Variants in TPRG1 observed in about 807,000 individuals in gnomAD.
The protein encoded by TPRG1 is tumor protein p63-regulated gene 1 protein.
Under a neutral mutation model 29.3 loss-of-function variants are expected in TPRG1, and 29 were observed. The observed-to-expected ratio is 0.99, with a 90% CI of 0.74 to 1.35. The LOEUF (loss-of-function observed/expected upper bound fraction) is 1.35. TPRG1 is among the 40% of genes most tolerant of loss of function. The pLI, the probability that TPRG1 is intolerant of heterozygous loss-of-function variation, is 0.00. For missense variants in TPRG1, 327 were observed against 335.0 expected, an observed-to-expected ratio of 0.98 and a Z score of 0.19; for synonymous variants, 130 against 116.8, an observed-to-expected ratio of 1.11 and a Z score of -0.73.
chr3:189,060,129 G>A (rs2152144034), intron 4 of TPRG1, among the ~76,000 whole-genome samples: 1 of 152,324 alleles, frequency 6.6e-6, no homozygotes, highest in South Asian at 2.1e-4. Flanking sequence ...CTTTTCAGGA[G>A]GCTGAGGCAG....
chr3:189,209,076 C>T lies in TPRG1; in HGVS notation c.210+1482C>T, dbSNP rs115433516. On this transcript the variant is annotated intron_variant, in intron 2 of 5. Coordinates refer to ENST00000345063, the MANE Select transcript of TPRG1 (RefSeq NM_198485.4). The stretch of plus-strand genomic sequence containing the variant: ...AGGAAAAACTGGAACCTATGTCTGT[C>T]TCCCACCAAGTCTAACCTTGATGGT... 5.9e-3 allele frequency among the ~76,000 whole-genome samples: 894 copies of T among 152,314 alleles called. 11 individuals are homozygous for T. The highest frequency in any genetic ancestry group is 0.021 in the African/African-American group (869 of 41,554).
At chr3:189,276,428 A>C (rs1716154920) in intron 4 of TPRG1, among the ~76,000 whole-genome samples, 1 of 152,176 alleles carries the variant, frequency 6.6e-6, no homozygotes, top group African/African-American at 2.4e-5. Flanking sequence ...TTTCAAAGGA[A>C]TTGTGTGAAA....
Position 189,137,933 on chromosome 3 carries a change from C to T in TPRG1, c.-291+5236C>T, listed in dbSNP as rs1723988640. Among the ~76,000 whole-genome samples the T allele has an allele frequency of 3.3e-5, 5 of 152,016 alleles. No homozygotes were observed. The East Asian group carries it at 9.7e-4, about 29-fold the overall frequency. On this transcript the variant is annotated intron_variant, in intron 3 of 6. Coordinates refer to the TPRG1 transcript ENST00000412373. Reference sequence around the variant, plus strand: ...TCTATTTTTAAGCTGGAAGATGTAGCCTTAGGGTACCTAATTCCATAGATA... The same window carrying T: ...TCTATTTTTAAGCTGGAAGATGTAGTCTTAGGGTACCTAATTCCATAGATA...
intron 1 of TPRG1, among the ~76,000 whole-genome samples, chr3:189,198,474 G>C (rs1732924908): frequency 6.6e-6 from 1 of 152,316 alleles, no homozygotes; most frequent in South Asian, 2.1e-4. Context: ...GAGAGAAGAT[G>C]CTTTTGTTCA....
intron 4 of TPRG1, among the ~76,000 whole-genome samples, chr3:189,078,083 CTCTTTCTCTCTT>C (rs1238643608): frequency 8.5e-4 from 91 of 106,542 alleles, no homozygotes; most frequent in Non-Finnish European, 1.2e-3. Flanking sequence ...CTCTCTTTCT[CTCTTTCTCTCTT>C]TCTTTCTTTC....
chr3:189,211,184 C>G (rs1408685076), intron 2 of TPRG1, among the ~76,000 whole-genome samples: 1 of 152,066 alleles, frequency 6.6e-6, no homozygotes, highest in Admixed American at 6.6e-5. Context: ...CTTCCATAAT[C>G]TAATTTTTAA....
At chr3:189,056,094 TTCCTTCCC>T (rs1184392572) in intron 4 of TPRG1, among the ~76,000 whole-genome samples, 1 of 127,102 alleles carries the variant, frequency 7.9e-6, no homozygotes, top group Non-Finnish European at 1.7e-5. Context: ...CCTTCCTTCC[TTCCTTCCC>T]TCTTTCTTTT....
chr3:189,286,258 G>A (rs563253323), intron 4 of TPRG1, among the ~76,000 whole-genome samples: 1 of 152,000 alleles, frequency 6.6e-6, no homozygotes, highest in Admixed American at 6.6e-5. Context: ...ATGAAAAACA[G>A]GAACTTTCCC....
At chr3:189,122,171 ACGT>A (rs1453957252) in intron 1 of TPRG1, among the ~76,000 whole-genome samples, 1 of 151,984 alleles carries the variant, frequency 6.6e-6, no homozygotes, top group Non-Finnish European at 1.5e-5. Flanking sequence ...TTTCTCTCCG[ACGT>A]CTTTTCTGAA....
intron 1 of TPRG1, among the ~76,000 whole-genome samples, chr3:189,176,091 A>G (rs1729453541): frequency 6.6e-6 from 1 of 152,174 alleles, no homozygotes; most frequent in Admixed American, 6.5e-5. Flanking sequence ...TGTTTTGCAA[A>G]GGGCTACACT....
At chr3:189,319,021 G>T (rs1723979216) in intron 5 of TPRG1, among the ~76,000 whole-genome samples, 1 of 152,088 alleles carries the variant, frequency 6.6e-6, no homozygotes, top group South Asian at 2.1e-4. Flanking sequence ...ATTTGGTATT[G>T]GGTAGATCCC....
intron 1 of TPRG1, among the ~76,000 whole-genome samples, chr3:189,106,425 G>T (rs1719831479): frequency 6.6e-6 from 1 of 151,984 alleles, no homozygotes; most frequent in Non-Finnish European, 1.5e-5. Context: ...TCTAAATTGG[G>T]TCACCCATCA....
chr3:189,003,282 G>A (rs1712122739), intron 2 of TPRG1, among the ~76,000 whole-genome samples: 2 of 152,062 alleles, frequency 1.3e-5, no homozygotes, highest in South Asian at 2.1e-4. Context: ...AGGCTTTGAG[G>A]TTAACATGGA....
At chr3:189,286,265 T>C (rs181188440) in intron 4 of TPRG1, among the ~76,000 whole-genome samples, 84 of 152,182 alleles carry the variant, frequency 5.5e-4, no homozygotes, top group African/African-American at 1.9e-3. Context: ...ACAGGAACTT[T>C]CCCACTGCAT....
intron 4 of TPRG1, among the ~76,000 whole-genome samples, chr3:189,148,796 A>G (rs990102602): frequency 1.3e-5 from 2 of 152,216 alleles, no homozygotes; most frequent in African/African-American, 4.8e-5. Flanking sequence ...ATTACTTGAA[A>G]TCACCTGTGG....
chr3:189,122,638 G>C (rs562132113), intron 1 of TPRG1, among the ~76,000 whole-genome samples: 2 of 152,140 alleles, frequency 1.3e-5, no homozygotes. Flanking sequence ...TCCTTTTATC[G>C]TTGTGAAACA....
intron 2 of TPRG1, among the ~76,000 whole-genome samples, chr3:189,003,391 T>A (rs772290005): frequency 2.6e-5 from 4 of 152,160 alleles, no homozygotes; most frequent in Non-Finnish European, 5.9e-5. Flanking sequence ...AAGTAGCCTA[T>A]CCTATCTCTA....
At chr3:189,058,911 A>G (rs983813638) in intron 4 of TPRG1, among the ~76,000 whole-genome samples, 2 of 152,120 alleles carry the variant, frequency 1.3e-5, no homozygotes, top group African/African-American at 4.8e-5. Context: ...ATGCACAGAT[A>G]CCAGCAAGCA....
chr3:189,317,122 A>G (rs914018548), intron 5 of TPRG1, among the ~76,000 whole-genome samples: 16 of 152,190 alleles, frequency 1.1e-4, no homozygotes, highest in African/African-American at 3.9e-4. Context: ...TCTTAAGGAA[A>G]GAAGTTTATG....
Sources: allele counts gnomAD v4.1 joint callset (sites outside exome capture counted in the v4.1 genomes callset), GRCh38; gene constraint gnomAD v4.1.1; transcripts MANE v1.5; gene names NCBI Gene and HGNC (gene_info 2026-07-23, HGNC 2026-07-21).